CMTM6: variants seen among roughly 807,000 people sequenced by gnomAD.
The protein encoded by CMTM6 is CKLF-like MARVEL transmembrane domain-containing protein 6.
Under a neutral mutation model 13.6 loss-of-function variants are expected in CMTM6, and 5 were observed. The ratio of observed to expected loss-of-function variants is 0.37; its 90% CI spans 0.19 to 0.77. CMTM6 has a LOEUF of 0.77. CMTM6 is among the 30% of genes least tolerant of loss of function. The probability of loss-of-function intolerance (pLI) is 0.50; values close to 1 mark genes in which losing one functional copy is unlikely to be tolerated. For missense variants in CMTM6, 196 were observed against 218.6 expected (o/e 0.90, Z 0.65); for synonymous variants, 99 against 84.5 (o/e 1.17, Z -0.94).
At chr3:32,497,253 C>T (rs186478816) in intron 1 of CMTM6, among the ~76,000 whole-genome samples, 10,343 of 150,892 alleles carry the variant, frequency 0.069, 378 homozygotes, top group Middle Eastern at 0.079. Context: ...GGCGTGGTGG[C>T]GGGCGCCTGT....
chr3:32,494,815 A>G (rs1697276152), intron 1 of CMTM6, among the ~76,000 whole-genome samples: 1 of 152,222 alleles, frequency 6.6e-6, no homozygotes, highest in South Asian at 2.1e-4. Flanking sequence ...AATAAAAATA[A>G]TAATGATGGC....
At chr3:32,489,306 A>G (rs974896667) in intron 2 of CMTM6, among the ~76,000 whole-genome samples, 1 of 151,714 alleles carries the variant, frequency 6.6e-6, no homozygotes, top group Non-Finnish European at 1.5e-5. Context: ...AAACTATTTA[A>G]CACAGAATTC....
chr3:32,482,716 C>CTGT lies in CMTM6; in HGVS notation c.*1243_*1244insACA, dbSNP rs1553614913. On this transcript the variant is annotated 3_prime_UTR_variant, in exon 4 of 4. Coordinates refer to ENST00000205636, the MANE Select transcript of CMTM6 (RefSeq NM_017801.3). ...CTGGGCAGGGTTCCCTGGATATTTA[C>CTGT]TTTTTTTTTTTTTTTTTTTTGCCAA... is the stretch of plus-strand genomic sequence containing the variant. 8.6e-6 allele frequency: 1 copy of CTGT among 116,502 alleles called. No homozygotes were observed. The highest frequency in any genetic ancestry group is 3.3e-5 in the African/African-American group (1 of 30,200). The allele number at this position is 116,502 out of a possible 1,614,324, so 7.2% of individuals were successfully genotyped here. A position where few individuals can be genotyped will look rare whatever the true frequency, so the allele number is the denominator to read the frequency against.
intron 1 of CMTM6, among the ~76,000 whole-genome samples, chr3:32,497,106 G>C (rs374379449): frequency 6.6e-6 from 1 of 152,088 alleles, no homozygotes; most frequent in Non-Finnish European, 1.5e-5. Flanking sequence ...CTCCTACACC[G>C]GGCGCGGTGG....
intron 1 of CMTM6, among the ~76,000 whole-genome samples, chr3:32,499,900 GA>G (rs755511273): frequency 9.9e-4 from 121 of 121,978 alleles, no homozygotes; most frequent in Middle Eastern, 4.5e-3. Context: ...TCAGAGGTTT[GA>G]AAAAAAAAAA....
intron 2 of CMTM6, chr3:32,488,374 A>AG (rs1697223171): frequency 6.1e-6 from 1 of 163,934 alleles, no homozygotes. Flanking sequence ...AAGAAAAAAA[A>AG]AAAAAAACAG....
chr3:32,488,131 T>A (rs1697220975), intron 2 of CMTM6, 95 bp from the exon 3 acceptor site: 2 of 876,978 alleles, frequency 2.3e-6, no homozygotes, highest in Non-Finnish European at 3.5e-6. Context: ...TCTGGCTACT[T>A]ACTTGTTTTT....
Position 32,483,977 on chromosome 3 carries a change from C to T in CMTM6, c.535G>A (p.Glu179Lys). Residue 179 changes from glutamate to lysine, a missense_variant, in exon 4 of 4, where the codon GAG (glutamate) becomes AAG (lysine). Coordinates refer to ENST00000205636, the MANE Select transcript of CMTM6 (RefSeq NM_017801.3). The stretch of plus-strand genomic sequence containing the variant: ...CAGAGTCTTTAGGCATTAAGTGGCT[C>T]AGTGAGGGCTTCAGCCCTAGTGGTA... The part of the protein sequence containing the change: ...ENTTRAEALT[E>K]PLNA 6.2e-7 allele frequency: 1 copy of T among 1,605,976 alleles called. No homozygotes were observed. The highest frequency in any genetic ancestry group is 8.5e-7 in the Non-Finnish European group (1 of 1,177,312).
At chr3:32,491,585 G>T in intron 2 of CMTM6, 125 bp downstream of exon 2, 1 of 800,756 alleles carries the variant, frequency 1.2e-6, no homozygotes, top group Non-Finnish European at 1.9e-6. Flanking sequence ...AGCAGAGCGA[G>T]TTGGAACAAG....
intron 2 of CMTM6, 173 bp from the exon 3 acceptor site, chr3:32,488,209 C>A (rs1260608236): frequency 1.6e-5 from 9 of 546,856 alleles, no homozygotes; most frequent in Non-Finnish European, 2.7e-5. Context: ...TCAATAAATA[C>A]CCTGTAAAAA....
In CMTM6 at chr3:32,483,955, A is replaced by C; in HGVS notation, c.*5T>G. 6.3e-7 allele frequency: 1 copy of C among 1,590,234 alleles called. No individual in the cohort carries two copies. The highest frequency in any genetic ancestry group is 8.5e-7 in the Non-Finnish European group (1 of 1,171,746). On this transcript the variant is annotated 3_prime_UTR_variant, in exon 4 of 4. Transcript: ENST00000205636. ...ACCTTAGGTAACATCTGCTCCCCAG[A>C]GTCTTTAGGCATTAAGTGGCTCAGT...
chr3:32,485,042 C>T (rs1021098154), intron 3 of CMTM6, among the ~76,000 whole-genome samples: 3 of 151,898 alleles, frequency 2.0e-5, no homozygotes, highest in East Asian at 1.9e-4. Context: ...TCCCATCCCC[C>T]GCCACAAAAG....
At chr3:32,502,586 C>T (rs766869852) in intron 1 of CMTM6, 22 bp downstream of exon 1, 4 of 1,583,656 alleles carry the variant, frequency 2.5e-6, no homozygotes, top group Non-Finnish European at 3.4e-6. Context: ...CCCGGGCTCG[C>T]CCTCCCTGAC....
intron 2 of CMTM6, among the ~76,000 whole-genome samples, chr3:32,489,853 T>G (rs1016686857): frequency 6.6e-6 from 1 of 152,100 alleles, no homozygotes; most frequent in African/African-American, 2.4e-5. Context: ...AATAAACGGG[T>G]TCTAGAGCCA....
rs956569134 is a variant in CMTM6 at position 32,502,628 on chromosome 3, C to A, written c.118G>T (p.Val40Phe). The A allele has an allele frequency of 6.3e-7, 1 of 1,597,284 alleles. No individual in the cohort carries two copies. The highest frequency in any genetic ancestry group is 1.7e-5 in the Admixed American group (1 of 58,040). Residue 40 changes from valine (V) to phenylalanine (F), a missense_variant, in exon 1 of 4, where the codon GTT (valine) becomes TTT (phenylalanine). By Grantham distance (50) the Val-to-Phe change is conservative (BLOSUM62 -1). Transcript: ENST00000205636. ...FMGRLPLLRR[V>F]LKGLQLLLSL... The stretch of plus-strand genomic sequence containing the variant: ...CTCACCAGCTGCAAGCCCTTGAGAA[C>A]GCGCCGGAGCAATGGGAGCCGGCCC...
Position 32,483,934 on chromosome 3 carries a change from T to C in CMTM6, c.*26A>G. 1 of 1,564,816 alleles carries C rather than the reference T, an allele frequency of 6.4e-7. No homozygotes were observed. Among genetic ancestry groups the C allele is most frequent in the Admixed American group, 2.1e-5 (1 of 47,788 alleles). On this transcript the variant is annotated 3_prime_UTR_variant, in exon 4 of 4. Coordinates refer to ENST00000205636, the MANE Select transcript of CMTM6 (RefSeq NM_017801.3). ...GCACCACAATGCAGGGTCACTACCT[T>C]AGGTAACATCTGCTCCCCAGAGTCT...
intron 3 of CMTM6, among the ~76,000 whole-genome samples, chr3:32,487,533 T>C (rs954953772): frequency 3.9e-5 from 6 of 152,120 alleles, no homozygotes; most frequent in African/African-American, 1.4e-4. Context: ...CAAACTCCAT[T>C]ACAATTTTAC....
chr3:32,497,083 T>TA (rs1342659028), intron 1 of CMTM6, among the ~76,000 whole-genome samples: 1 of 151,928 alleles, frequency 6.6e-6, no homozygotes, highest in African/African-American at 2.4e-5. Context: ...GAAGTGTTTT[T>TA]AAAAAAAGAA....
chr3:32,500,467 A>C (rs186684358), intron 1 of CMTM6, among the ~76,000 whole-genome samples: 12 of 152,382 alleles, frequency 7.9e-5, no homozygotes, highest in Non-Finnish European at 1.3e-4. Context: ...GTAATGAAAA[A>C]GTACTTTTAA....
Sources: allele counts gnomAD v4.1 joint callset (sites outside exome capture counted in the v4.1 genomes callset), GRCh38; gene constraint gnomAD v4.1.1; transcripts MANE v1.5; gene names NCBI Gene and HGNC (gene_info 2026-07-23, HGNC 2026-07-21).